WNT4: variants seen among roughly 807,000 people sequenced by gnomAD.
The protein encoded by WNT4 is protein Wnt-4.
WNT4 carries 16 observed loss-of-function variants against 34.5 expected under a neutral mutation model. The observed-to-expected ratio is 0.46, with a 90% confidence interval of 0.31 to 0.70. The LOEUF (loss-of-function observed/expected upper bound fraction) is 0.70. Ranked by LOEUF, WNT4 falls within the 30% of genes least tolerant of loss-of-function variation. WNT4 has a pLI of 0.04. For synonymous variants in WNT4, 200 were observed against 211.9 expected, an observed-to-expected ratio of 0.94 and a Z score of 0.49; for missense variants, 379 against 495.9, an observed-to-expected ratio of 0.76 and a Z score of 2.24.
In WNT4 at chr1:22,143,057, C is replaced by A. The variant is rs1050101049; in HGVS notation, c.-135G>T. ...TCTGCCTCCGTGTGCCTGCCGGCAG[C>A]CTGCCCGCTGCTGCGCCCGCTGCCC... On this transcript the variant is annotated 5_prime_UTR_variant, in exon 1 of 5. Transcript: ENST00000290167. 4.2e-6 allele frequency: 1 copy of A among 240,874 alleles called. No individual in the cohort carries two copies. Among genetic ancestry groups the A allele is most frequent in the African/African-American group, 2.4e-5 (1 of 41,630 alleles). The allele number at this position is 240,874 out of a possible 1,614,324, so 14.9% of individuals were successfully genotyped here. A position where few individuals can be genotyped will look rare whatever the true frequency, so the allele number is the denominator to read the frequency against.
chr1:22,130,393 G>A (rs983091660), intron 1 of WNT4, among the ~76,000 whole-genome samples: 27 of 152,236 alleles, frequency 1.8e-4, no homozygotes, highest in Non-Finnish European at 4.4e-5. Context: ...ACCCTTTGGA[G>A]GTGGGACAAT....
intron 1 of WNT4, among the ~76,000 whole-genome samples, chr1:22,141,966 G>T (rs922182337): frequency 2.6e-5 from 4 of 152,192 alleles, no homozygotes; most frequent in African/African-American, 9.7e-5. Flanking sequence ...CTGGGGCCAG[G>T]GTTAAGCGCG....
chr1:22,135,868 C>T (rs768079150), intron 1 of WNT4, among the ~76,000 whole-genome samples: 6 of 152,176 alleles, frequency 3.9e-5, no homozygotes, highest in Non-Finnish European at 7.4e-5. Context: ...CCTCCACCGC[C>T]AGTGCACACC....
intron 2 of WNT4, among the ~76,000 whole-genome samples, chr1:22,128,646 A>T (rs1427201184): frequency 1.3e-5 from 2 of 151,960 alleles, no homozygotes; most frequent in South Asian, 2.1e-4. Context: ...GCGTCTCCTC[A>T]TCGAGGATAA....
chr1:22,121,518 C>T lies in WNT4; in HGVS notation c.372G>A (p.Val124=). The change falls in exon 3 of 5, where the codon GTG becomes GTA. Residue 124 remains valine, a synonymous_variant. Transcript: ENST00000290167. ...AISSAGVAFA[V]TRACSSGELE... is the part of the protein sequence containing the mutation. ...GCTCCCCACTGCTGCACGCCCGCGT[C>T]ACTGCAAAGGCCACACCTGCCGAAG... 6.2e-7 allele frequency: 1 copy of T among 1,614,060 alleles called. No individual in the cohort carries two copies. Among genetic ancestry groups the T allele is most frequent in the Non-Finnish European group, 8.5e-7 (1 of 1,180,034 alleles).
chr1:22,119,588 T>G lies in WNT4; in HGVS notation c.*462A>C. On this transcript the variant is annotated 3_prime_UTR_variant, in exon 5 of 5. Coordinates refer to ENST00000290167, the MANE Select transcript of WNT4 (RefSeq NM_030761.5). ...AGGCTCAAGCTGCCAGGAGTCCATG[T>G]GTATGTGTGCTGGAGAGTTAAGAGT... The G allele has an allele frequency of 9.3e-6, 2 of 213,968 alleles. No homozygotes were observed. The highest frequency in any genetic ancestry group is 7.4e-5 in the South Asian group (1 of 13,582). The allele number at this position is 213,968 out of a possible 1,614,324, so 13.3% of individuals were successfully genotyped here. A position where few individuals can be genotyped will look rare whatever the true frequency, so the allele number is the denominator to read the frequency against.
At chr1:22,131,582 T>C (rs1645984061) in intron 1 of WNT4, among the ~76,000 whole-genome samples, 2 of 152,198 alleles carry the variant, frequency 1.3e-5, no homozygotes, top group South Asian at 4.1e-4. Context: ...CTGTGGAGCC[T>C]GAGCCTGGCT....
rs1646010566 is a variant in WNT4, at chr1:22,134,908, G to T, written c.78-5057C>A. ...TCCTGGGTTCCCAGTCTTTTTTTCA[G>T]CTGATCATGCCTGAGAGGTGGGACA... is the stretch of plus-strand genomic sequence containing the variant. On this transcript the variant is annotated intron_variant, in intron 1 of 4. Transcript: ENST00000290167. The surrounding 1 kb of genome is among the most constrained non-coding windows in gnomAD (Gnocchi z 4.1). Among the ~76,000 whole-genome samples, 1 of 151,970 alleles carries T rather than the reference G, an allele frequency of 6.6e-6. No homozygotes were observed. Among genetic ancestry groups the T allele is most frequent in the African/African-American group, 2.4e-5 (1 of 41,344 alleles).
intron 1 of WNT4, among the ~76,000 whole-genome samples, chr1:22,136,448 A>G (rs921646789): frequency 6.6e-6 from 1 of 152,208 alleles, no homozygotes; most frequent in Non-Finnish European, 1.5e-5. Flanking sequence ...AGAACTGTCC[A>G]GAGCCAGTGC....
intron 2 of WNT4, among the ~76,000 whole-genome samples, chr1:22,124,413 A>T (rs1645925774): frequency 6.6e-6 from 1 of 152,002 alleles, no homozygotes; most frequent in South Asian, 2.1e-4. Context: ...AGGCCTAAAT[A>T]CTGTGTGTCC....
At chr1:22,121,732 G>T (rs1398807945) in intron 2 of WNT4, among the ~76,000 whole-genome samples, 156 bp from the exon 3 acceptor site, 8 of 152,224 alleles carry the variant, frequency 5.3e-5, no homozygotes, top group Admixed American at 5.2e-4. Flanking sequence ...CACGGCGCTT[G>T]TTCTTATCAC....
chr1:22,126,914 C>T (rs969116966), intron 2 of WNT4: 4 of 249,146 alleles, frequency 1.6e-5, no homozygotes, highest in South Asian at 4.5e-5. Flanking sequence ...AGGTCATCCT[C>T]GGCCTCACCC....
rs927842341 is a variant in WNT4, at chr1:22,142,997, C to A, written c.-75G>T. The A allele has an allele frequency of 1.3e-4, 107 of 825,208 alleles. No individual in the cohort carries two copies. Among genetic ancestry groups the A allele is most frequent in the Non-Finnish European group, 1.4e-4 (96 of 687,726 alleles). The allele number at this position is 825,208 out of a possible 1,614,324, so 51.1% of individuals were successfully genotyped here. A position where few individuals can be genotyped will look rare whatever the true frequency, so the allele number is the denominator to read the frequency against. On this transcript the variant is annotated 5_prime_UTR_variant, in exon 1 of 5. Coordinates refer to ENST00000290167, the MANE Select transcript of WNT4 (RefSeq NM_030761.5). This position sits in a 1 kb window ranked among gnomAD's most constrained non-coding sequence, Gnocchi z 6.0. ...GCCTCCCGTCGGGGCTGCAGGTGGG[C>A]GCCCGCGGGCGGGCCGGGGCGCGCG...
intron 2 of WNT4, among the ~76,000 whole-genome samples, chr1:22,125,085 C>T (rs1292309830): frequency 6.6e-6 from 1 of 152,060 alleles, no homozygotes; most frequent in Admixed American, 6.6e-5. Context: ...AGAGCCAAAG[C>T]TGTATTGGAT....
In WNT4 at chr1:22,134,771, A is replaced by G. The variant is rs1646009428; in HGVS notation, c.78-4920T>C. On this transcript the variant is annotated intron_variant, in intron 1 of 4. Transcript: ENST00000290167. This position sits in a 1 kb window ranked among gnomAD's most constrained non-coding sequence, Gnocchi z 4.1. ...TCGGTGCCGTCACCACCCCTCCCAC[A>G]GCCTCTCCCAGTTCCTCTGGCCACC... is the stretch of plus-strand genomic sequence containing the variant. Among the ~76,000 whole-genome samples, 1 of 152,074 alleles carries G rather than the reference A, an allele frequency of 6.6e-6. No individual in the cohort carries two copies. Among genetic ancestry groups the G allele is most frequent in the South Asian group, 2.1e-4 (1 of 4,824 alleles).
intron 2 of WNT4, among the ~76,000 whole-genome samples, chr1:22,122,270 C>A (rs1327238350): frequency 6.6e-6 from 1 of 152,182 alleles, no homozygotes; most frequent in Non-Finnish European, 1.5e-5. Flanking sequence ...CCCTCCACCA[C>A]TGGGGGCTTC....
At chr1:22,135,267 CCTT>C (rs1406553537) in intron 1 of WNT4, among the ~76,000 whole-genome samples, 1 of 152,194 alleles carries the variant, frequency 6.6e-6, no homozygotes. Flanking sequence ...TTCAGTATGT[CCTT>C]AGTGCAACAG....
At chr1:22,131,374 G>A (rs990858287) in intron 1 of WNT4, among the ~76,000 whole-genome samples, 1 of 152,254 alleles carries the variant, frequency 6.6e-6, no homozygotes, top group Non-Finnish European at 1.5e-5. Context: ...CCCAGTCCCA[G>A]TGGGGGTTGG....
intron 1 of WNT4, among the ~76,000 whole-genome samples, chr1:22,136,633 T>G (rs1646023890): frequency 6.6e-6 from 1 of 152,162 alleles, no homozygotes; most frequent in Non-Finnish European, 1.5e-5. Flanking sequence ...GCTGCAGGGC[T>G]GCAGGGCTGC....
Sources: allele counts gnomAD v4.1 joint callset (sites outside exome capture counted in the v4.1 genomes callset), GRCh38; gene constraint gnomAD v4.1.1; non-coding constraint Gnocchi (gnomAD v3.1); transcripts MANE v1.5; gene names NCBI Gene and HGNC (gene_info 2026-07-23, HGNC 2026-07-21).